The following CUL5 variants were observed in gnomAD, a reference collection of about 807,000 sequenced individuals.
The protein encoded by CUL5 is cullin 5.
CUL5 carries 26 observed loss-of-function variants against 108.8 expected under a neutral mutation model. The ratio of observed to expected loss-of-function variants is 0.24; its 90% CI spans 0.18 to 0.33. The LOEUF (loss-of-function observed/expected upper bound fraction) is 0.33. Among genes scored for constraint, CUL5 ranks in the 10% least tolerant of loss-of-function variants. CUL5 has a pLI of 1.00. For missense variants in CUL5, 524 were observed against 909.2 expected (o/e 0.58, Z 5.45); for synonymous variants, 334 against 298.0 (o/e 1.12, Z -1.25).
At chr11:108,018,487 T>C (rs1480964691) in intron 1 of CUL5, among the ~76,000 whole-genome samples, 1 of 150,978 alleles carries the variant, frequency 6.6e-6, no homozygotes, top group Non-Finnish European at 1.5e-5. Flanking sequence ...GCCAACATGG[T>C]GAAACCCCAT....
chr11:108,098,258 A>G (rs1864548789), intron 17 of CUL5, 148 bp from the exon 18 acceptor site: 1 of 626,310 alleles, frequency 1.6e-6, no homozygotes, highest in African/African-American at 1.9e-5. Flanking sequence ...TTTGTTTTAA[A>G]GCAATATGTA....
At chr11:108,016,380 A>G (rs1437386323) in intron 1 of CUL5, among the ~76,000 whole-genome samples, 1 of 151,832 alleles carries the variant, frequency 6.6e-6, no homozygotes, top group Non-Finnish European at 1.5e-5. Context: ...TAATCCTCCC[A>G]CCTCATCCTC....
intron 7 of CUL5, among the ~76,000 whole-genome samples, chr11:108,060,906 A>G (rs187010919): frequency 6.6e-6 from 1 of 151,932 alleles, no homozygotes; most frequent in Admixed American, 6.6e-5. Flanking sequence ...CTATGAATTC[A>G]TTCATTCAAC....
chr11:108,040,007 A>G (rs1392767107), intron 2 of CUL5, among the ~76,000 whole-genome samples: 3 of 152,226 alleles, frequency 2.0e-5, no homozygotes, highest in Non-Finnish European at 4.4e-5. Flanking sequence ...GTTCTCTTCT[A>G]CACAAGGAAA....
intron 11 of CUL5, among the ~76,000 whole-genome samples, chr11:108,083,642 T>C (rs1864152239): frequency 6.6e-6 from 1 of 152,172 alleles, no homozygotes; most frequent in Non-Finnish European, 1.5e-5. Context: ...GTTTTAAAAA[T>C]TAGACGAGCA....
At chr11:108,064,562 T>G (rs1863627246) in intron 7 of CUL5, among the ~76,000 whole-genome samples, 1 of 151,902 alleles carries the variant, frequency 6.6e-6, no homozygotes, top group Admixed American at 6.6e-5. Flanking sequence ...AATACAAAAA[T>G]TAGCGGGCGA....
intron 4 of CUL5, among the ~76,000 whole-genome samples, chr11:108,052,383 C>T (rs745497182): frequency 3.9e-5 from 6 of 152,126 alleles, no homozygotes; most frequent in Non-Finnish European, 7.3e-5. Flanking sequence ...GGCGTGGTCT[C>T]GGCTCACTGG....
At chr11:108,091,263 C>T (rs1864350353) in intron 13 of CUL5, among the ~76,000 whole-genome samples, 1 of 151,902 alleles carries the variant, frequency 6.6e-6, no homozygotes, top group Admixed American at 6.5e-5. Flanking sequence ...GTTGGCCAGG[C>T]TGGTCTTGAA....
intron 2 of CUL5, among the ~76,000 whole-genome samples, chr11:108,036,235 T>C (rs1206088297): frequency 6.6e-6 from 1 of 152,200 alleles, no homozygotes; most frequent in East Asian, 1.9e-4. Flanking sequence ...AAAAAAGTCA[T>C]AGTAAATATC....
At chr11:108,096,358 G>C (rs1201247914) in intron 16 of CUL5, among the ~76,000 whole-genome samples, 1 of 148,816 alleles carries the variant, frequency 6.7e-6, no homozygotes, top group Non-Finnish European at 1.5e-5. Context: ...AAATTAGCCA[G>C]CTTGGTGGCT....
In CUL5 at chr11:108,052,780, A is replaced by G. The variant is rs1278845366; in HGVS notation, c.532A>G (p.Ile178Val). 6.2e-7 allele frequency: 1 copy of G among 1,613,516 alleles called. No individual in the cohort carries two copies. The highest frequency in any genetic ancestry group is 2.2e-5 in the East Asian group (1 of 44,834). ...AGAAGCTTTTGATTCTCAGCTGGTT[A>G]TTGGAGTAAGAGAATCCTATGGTAT... ...LGEAFDSQLV[I>V]GVRESYVNLC... The change falls in exon 5 of 19, where the codon ATT becomes GTT. Residue 178 changes from isoleucine to valine, a missense_variant. This residue lies in a region of CUL5 where 170 missense variants were observed against 305.1 expected (regional missense o/e 0.56). Transcript: ENST00000393094.
At chr11:108,058,528 G>C (rs1373256071) in intron 7 of CUL5, among the ~76,000 whole-genome samples, 3 of 151,666 alleles carry the variant, frequency 2.0e-5, no homozygotes, top group Admixed American at 6.6e-5. Context: ...GATTACAGAC[G>C]TGAGCCACTG....
In CUL5 at chr11:108,105,911, C is replaced by T. The variant is rs1017564423; in HGVS notation, c.*1527C>T. 2.6e-5 allele frequency: 4 copies of T among 152,106 alleles called. No homozygotes were observed. The highest frequency in any genetic ancestry group is 7.2e-5 in the African/African-American group (3 of 41,430). The allele number at this position is 152,106 out of a possible 1,614,324, so 9.4% of individuals were successfully genotyped here. On this transcript the variant is annotated 3_prime_UTR_variant, in exon 19 of 19. Transcript: ENST00000393094. Reference sequence around the variant, plus strand: ...AAGAGCATTTCGTAGGATCTGTCCCCATCCGAAGAGGCTTTGTGAACTGCC... The same window carrying T: ...AAGAGCATTTCGTAGGATCTGTCCCTATCCGAAGAGGCTTTGTGAACTGCC...
At chr11:108,093,982 C>T (rs1864424790) in intron 13 of CUL5, among the ~76,000 whole-genome samples, 1 of 152,214 alleles carries the variant, frequency 6.6e-6, no homozygotes, top group Non-Finnish European at 1.5e-5. Flanking sequence ...GGATTACACA[C>T]CATGCCAACT....
At position 108,009,348 on chromosome 11, in the gene CUL5, C is replaced by G. The variant is rs764239177; in HGVS notation, c.-1C>G. On this transcript the variant is annotated 5_prime_UTR_variant, in exon 1 of 19. Transcript: ENST00000393094. ...TCTCGCGAGAGTCCAAGTTAAAGAA[C>G]ATGGCGACGTCTAATCTGTTAAAGG... The G allele has an allele frequency of 3.7e-6, 6 of 1,613,252 alleles. No individual in the cohort carries two copies. The Admixed American group carries it at 1.0e-4, about 27-fold the overall frequency.
intron 8 of CUL5, among the ~76,000 whole-genome samples, chr11:108,070,542 T>C (rs1416909407): frequency 6.6e-6 from 1 of 152,150 alleles, no homozygotes; most frequent in East Asian, 1.9e-4. Context: ...AACCTTGTGA[T>C]GAATCTTTTT....
At chr11:108,088,497 T>A in intron 11 of CUL5, 30 bp from the exon 12 acceptor site, 3 of 1,568,852 alleles carry the variant, frequency 1.9e-6, no homozygotes, top group Non-Finnish European at 2.6e-6. Context: ...TAATCATTTT[T>A]CCATCAACTG....
At chr11:108,063,769 G>A (rs1863608358) in intron 7 of CUL5, among the ~76,000 whole-genome samples, 1 of 152,140 alleles carries the variant, frequency 6.6e-6, no homozygotes, top group East Asian at 1.9e-4. Context: ...GGGATTGCTG[G>A]ATCATAAGGT....
At chr11:108,058,363 C>T (rs1376323946) in intron 7 of CUL5, among the ~76,000 whole-genome samples, 1 of 147,194 alleles carries the variant, frequency 6.8e-6, no homozygotes, top group Non-Finnish European at 1.5e-5. Context: ...ATTCTCATGC[C>T]TCAGCCTCCC....
Sources: allele counts gnomAD v4.1 joint callset (sites outside exome capture counted in the v4.1 genomes callset), GRCh38; gene constraint gnomAD v4.1.1; regional missense constraint gnomAD v4.1.1; transcripts MANE v1.5; gene names NCBI Gene and HGNC (gene_info 2026-07-23, HGNC 2026-07-21).